Variants in GRM7 observed in about 807,000 individuals in gnomAD.
GRM7 encodes the protein metabotropic glutamate receptor 7.
In GRM7, 35 loss-of-function variants were observed where a neutral mutation model predicts 84.5. The ratio of observed to expected loss-of-function variants is 0.41; its 90% CI spans 0.32 to 0.55. GRM7 has a LOEUF of 0.55. GRM7 is among the 20% of genes least tolerant of loss of function. The pLI, the probability that GRM7 is intolerant of heterozygous loss-of-function variation, is 0.19. For synonymous variants in GRM7, 487 were observed against 455.1 expected (o/e 1.07, Z -0.89); for missense variants, 1,003 against 1,194.6 (o/e 0.84, Z 2.36).
chr3:7,427,046 C>T (rs1223120649), intron 5 of GRM7, among the ~76,000 whole-genome samples: 1 of 152,248 alleles, frequency 6.6e-6, no homozygotes, highest in East Asian at 1.9e-4. Flanking sequence ...TGGATTGAAT[C>T]AGAGACTTTG....
At chr3:7,332,998 C>T (rs985605925) in intron 4 of GRM7, among the ~76,000 whole-genome samples, 6 of 152,122 alleles carry the variant, frequency 3.9e-5, no homozygotes, top group Admixed American at 1.3e-4. Context: ...CCCCCTTCTA[C>T]TACCATAGCT....
At chr3:7,146,781 T>C in intron 2 of GRM7, 113 bp downstream of exon 2, 3 of 715,430 alleles carry the variant, frequency 4.2e-6, no homozygotes, top group Admixed American at 2.3e-5. Context: ...CCCAGAGTCC[T>C]GTGAAGTACA....
intron 2 of GRM7, among the ~76,000 whole-genome samples, chr3:7,217,174 G>C (rs1239637547): frequency 6.6e-6 from 1 of 152,158 alleles, no homozygotes; most frequent in African/African-American, 2.4e-5. Context: ...AGGATGCCCA[G>C]ATTCAGAGAG....
intron 4 of GRM7, among the ~76,000 whole-genome samples, chr3:7,374,715 T>C (rs529545114): frequency 6.7e-6 from 1 of 149,278 alleles, no homozygotes; most frequent in East Asian, 2.1e-4. Context: ...GGTCTCGAAC[T>C]CCTAACCTCA....
chr3:7,433,433 T>G (rs1696914820), intron 5 of GRM7, among the ~76,000 whole-genome samples: 2 of 152,176 alleles, frequency 1.3e-5, no homozygotes, highest in Admixed American at 1.3e-4. Flanking sequence ...CTTTGCAATG[T>G]GTTGTCTACT....
rs1327772379 is a variant in GRM7 at position 6,958,855 on chromosome 3, A to G, written c.519+96948A>G. 3.3e-5 allele frequency among the ~76,000 whole-genome samples: 5 copies of G among 152,182 alleles called. No individual in the cohort carries two copies. In the East Asian group the frequency reaches 5.8e-4, roughly 18 times the overall value. ...GTTTCTCATACTAGAGCATATTAGA[A>G]GCAGAAAATCCAGTGGTTGAAGAGA... On this transcript the variant is annotated intron_variant, in intron 1 of 9. Coordinates refer to ENST00000357716, the MANE Select transcript of GRM7 (RefSeq NM_000844.4).
intron 2 of GRM7, among the ~76,000 whole-genome samples, chr3:7,154,373 G>A (rs1370702668): frequency 6.6e-6 from 1 of 152,150 alleles, no homozygotes; most frequent in Non-Finnish European, 1.5e-5. Flanking sequence ...TTTTTGCCAT[G>A]GGACTAGAAA....
At chr3:7,191,319 G>A (rs887515769) in intron 2 of GRM7, among the ~76,000 whole-genome samples, 2 of 151,386 alleles carry the variant, frequency 1.3e-5, no homozygotes, top group Admixed American at 6.6e-5. Flanking sequence ...CCTTTATACC[G>A]AGACAACCAA....
intron 8 of GRM7, among the ~76,000 whole-genome samples, chr3:7,646,131 C>T (rs17047784): frequency 0.069 from 10,500 of 152,152 alleles, 741 homozygotes; most frequent in African/African-American, 0.18. Flanking sequence ...GCGGTCACGC[C>T]GGTTTTTTCC....
chr3:7,263,362 C>T (rs1253141280), intron 2 of GRM7, among the ~76,000 whole-genome samples: 1 of 152,192 alleles, frequency 6.6e-6, no homozygotes, highest in Non-Finnish European at 1.5e-5. Context: ...CCAGACAAAG[C>T]ACTTCATAGG....
chr3:7,222,008 C>G (rs1696820938), intron 2 of GRM7, among the ~76,000 whole-genome samples: 1 of 151,762 alleles, frequency 6.6e-6, no homozygotes. Flanking sequence ...GGGGTTTCAC[C>G]ATGTTGACCG....
intron 2 of GRM7, among the ~76,000 whole-genome samples, chr3:7,253,394 C>A (rs139045214): frequency 6.6e-6 from 1 of 152,078 alleles, no homozygotes; most frequent in East Asian, 1.9e-4. Context: ...GTGGGCAGAT[C>A]ATCTGTGGTC....
chr3:7,424,735 T>C (rs1696535490), intron 5 of GRM7, among the ~76,000 whole-genome samples: 1 of 152,196 alleles, frequency 6.6e-6, no homozygotes, highest in African/African-American at 2.4e-5. Flanking sequence ...ACAGGCAAGG[T>C]CTTTGCTTTC....
In GRM7 at chr3:7,032,270, A is replaced by C. The variant is rs555456052; in HGVS notation, c.520-114182A>C. 2.0e-5 allele frequency among the ~76,000 whole-genome samples: 3 copies of C among 152,218 alleles called. No individual in the cohort carries two copies. In the South Asian group the frequency reaches 6.2e-4, roughly 31 times the overall value. The stretch of plus-strand genomic sequence containing the variant: ...CATAACTGATTAAGTAGCTGTGGGA[A>C]AATGTGGCTTTCAGCCCAAACTGTT... On this transcript the variant is annotated intron_variant, in intron 1 of 9. Transcript: ENST00000357716.
intron 1 of GRM7, among the ~76,000 whole-genome samples, chr3:6,965,467 T>C (rs1469517865): frequency 6.6e-6 from 1 of 152,026 alleles, no homozygotes; most frequent in Non-Finnish European, 1.5e-5. Flanking sequence ...TGTGGAACTA[T>C]AGGCATGTGC....
At chr3:7,642,346 G>C (rs1000865316) in intron 8 of GRM7, among the ~76,000 whole-genome samples, 8 of 152,116 alleles carry the variant, frequency 5.3e-5, no homozygotes, top group Non-Finnish European at 1.2e-4. Context: ...AAGTGGTAGA[G>C]GGAGAGGTAA....
At chr3:7,046,920 G>A (rs1033187213) in intron 1 of GRM7, among the ~76,000 whole-genome samples, 2 of 151,980 alleles carry the variant, frequency 1.3e-5, no homozygotes, top group Admixed American at 6.6e-5. Context: ...AAGAAAGAAA[G>A]CAGAGCTGTA....
intron 4 of GRM7, among the ~76,000 whole-genome samples, chr3:7,390,149 A>AT (rs1359800555): frequency 6.6e-6 from 1 of 151,980 alleles, no homozygotes; most frequent in South Asian, 2.1e-4. Flanking sequence ...CTCAGCTGGC[A>AT]TTTTTTTCTT....
At chr3:7,405,013 G>A (rs1695615194) in intron 4 of GRM7, among the ~76,000 whole-genome samples, 1 of 151,986 alleles carries the variant, frequency 6.6e-6, no homozygotes, top group African/African-American at 2.4e-5. Context: ...TATTGAACCG[G>A]AACTTCTATG....
Sources: allele counts gnomAD v4.1 joint callset (sites outside exome capture counted in the v4.1 genomes callset), GRCh38; gene constraint gnomAD v4.1.1; transcripts MANE v1.5; gene names NCBI Gene and HGNC (gene_info 2026-07-23, HGNC 2026-07-21).